Variants in CDH12 observed in about 807,000 individuals in gnomAD.
CDH12 encodes the protein cadherin-12.
CDH12 carries 41 observed loss-of-function variants against 74.1 expected under a neutral mutation model. The observed-to-expected ratio is 0.55, with a 90% CI of 0.43 to 0.72. CDH12 has a LOEUF of 0.72. Ranked by LOEUF, CDH12 falls within the 30% of genes least tolerant of loss-of-function variation. The pLI, the probability that CDH12 is intolerant of heterozygous loss-of-function variation, is 0.00. For synonymous variants in CDH12, 399 were observed against 355.0 expected (o/e 1.12, Z -1.39); for missense variants, 945 against 977.2 (o/e 0.97, Z 0.44).
intron 1 of CDH12, among the ~76,000 whole-genome samples, chr5:22,563,546 G>A (rs1431234899): frequency 6.6e-6 from 1 of 151,994 alleles, no homozygotes; most frequent in Non-Finnish European, 1.5e-5. Flanking sequence ...CACAGAATGG[G>A]ATAGAATATA....
chr5:22,402,953 T>C (rs191066743), intron 3 of CDH12, among the ~76,000 whole-genome samples: 1 of 152,140 alleles, frequency 6.6e-6, no homozygotes, highest in African/African-American at 2.4e-5. Context: ...AAAAGACATG[T>C]GATGGAAAGA....
At chr5:22,202,981 CATA>C (rs911499561) in intron 4 of CDH12, among the ~76,000 whole-genome samples, 20 of 152,128 alleles carry the variant, frequency 1.3e-4, no homozygotes, top group Middle Eastern at 3.4e-3. Context: ...TTAATTGACA[CATA>C]ATAATTGTGC....
chr5:22,015,009 T>G (rs1171250753), intron 5 of CDH12, among the ~76,000 whole-genome samples: 1 of 152,114 alleles, frequency 6.6e-6, no homozygotes, highest in Non-Finnish European at 1.5e-5. Flanking sequence ...TAAAGAATAT[T>G]AAGATATTCT....
chr5:22,815,996 G>C (rs1749377882), intron 1 of CDH12, among the ~76,000 whole-genome samples: 1 of 152,022 alleles, frequency 6.6e-6, no homozygotes, highest in African/African-American at 2.4e-5. Flanking sequence ...AGTACTGTGT[G>C]GCTAGAGCTT....
rs531457643 is a variant in CDH12 at position 22,188,908 on chromosome 5, A to G, written c.-187+23590T>C. Reference sequence around the variant, plus strand: ...TGAAGCTATCCCCATTAAAACATAAACCATAATTGTGGAAAGCAATTTGCT... The same window carrying G: ...TGAAGCTATCCCCATTAAAACATAAGCCATAATTGTGGAAAGCAATTTGCT... On this transcript the variant is annotated intron_variant, in intron 4 of 14. Transcript: ENST00000382254. 4.1e-4 allele frequency among the ~76,000 whole-genome samples: 63 copies of G among 152,296 alleles called. 1 individual carries two copies. The highest frequency in any genetic ancestry group is 1.4e-3 in the African/African-American group (59 of 41,574).
intron 10 of CDH12, 89 bp downstream of exon 10, chr5:21,802,078 G>C: frequency 8.8e-7 from 1 of 1,137,512 alleles, no homozygotes; most frequent in South Asian, 1.5e-5. Flanking sequence ...TCATCATGCA[G>C]TTTTGGACAG....
chr5:22,437,043 C>T (rs1263259701), intron 2 of CDH12, among the ~76,000 whole-genome samples: 1 of 151,838 alleles, frequency 6.6e-6, no homozygotes, highest in African/African-American at 2.4e-5. Context: ...TTATAATTTC[C>T]TAGAAAATAA....
intron 2 of CDH12, among the ~76,000 whole-genome samples, chr5:22,448,713 T>A (rs545583108): frequency 5.3e-5 from 8 of 152,136 alleles, no homozygotes; most frequent in African/African-American, 1.9e-4. Flanking sequence ...AGATTTTAAT[T>A]TTTTTGTAAA....
At chr5:22,114,715 T>G (rs1401281464) in intron 4 of CDH12, among the ~76,000 whole-genome samples, 1 of 152,186 alleles carries the variant, frequency 6.6e-6, no homozygotes, top group Non-Finnish European at 1.5e-5. Flanking sequence ...GGAATCAGTG[T>G]GTACATAAGG....
At chr5:22,011,895 GA>G (rs1301223382) in intron 5 of CDH12, among the ~76,000 whole-genome samples, 1 of 151,874 alleles carries the variant, frequency 6.6e-6, no homozygotes, top group Non-Finnish European at 1.5e-5. Context: ...ACCAAATGAA[GA>G]AAACTAGGGA....
At chr5:22,016,668 G>A (rs904250952) in intron 5 of CDH12, among the ~76,000 whole-genome samples, 2 of 152,072 alleles carry the variant, frequency 1.3e-5, no homozygotes, top group African/African-American at 2.4e-5. Flanking sequence ...TTACAGGTGT[G>A]AGCCACCATG....
intron 4 of CDH12, among the ~76,000 whole-genome samples, chr5:22,106,243 T>C (rs1389597648): frequency 6.6e-6 from 1 of 152,194 alleles, no homozygotes; most frequent in Non-Finnish European, 1.5e-5. Context: ...AGTTTACCTA[T>C]GTAACAAACC....
chr5:22,372,997 T>A (rs1741363287), intron 3 of CDH12, among the ~76,000 whole-genome samples: 1 of 152,090 alleles, frequency 6.6e-6, no homozygotes, highest in South Asian at 2.1e-4. Context: ...TGGAGGCAGA[T>A]CCCTAGGGCA....
intron 1 of CDH12, among the ~76,000 whole-genome samples, chr5:22,719,174 G>A (rs1211476326): frequency 1.3e-5 from 2 of 152,128 alleles, no homozygotes; most frequent in Non-Finnish European, 2.9e-5. Context: ...TTTGGCTTAA[G>A]TCGTTGTGGA....
At chr5:22,623,957 C>T (rs1293174473) in intron 1 of CDH12, among the ~76,000 whole-genome samples, 1 of 152,090 alleles carries the variant, frequency 6.6e-6, no homozygotes, top group Non-Finnish European at 1.5e-5. Flanking sequence ...GTACTGGTAC[C>T]AAAACAGAGA....
At chr5:22,361,317 A>C (rs1305045779) in intron 3 of CDH12, among the ~76,000 whole-genome samples, 2 of 152,102 alleles carry the variant, frequency 1.3e-5, no homozygotes, top group Admixed American at 1.3e-4. Flanking sequence ...TCATGAGTGA[A>C]CTCCCATTCA....
At chr5:22,107,089 T>C (rs1744489792) in intron 4 of CDH12, among the ~76,000 whole-genome samples, 2 of 151,992 alleles carry the variant, frequency 1.3e-5, no homozygotes, top group Admixed American at 1.3e-4. Flanking sequence ...GCCCAAAGGA[T>C]GTCAAAATTA....
At chr5:22,358,365 C>A (rs1256331777) in intron 3 of CDH12, among the ~76,000 whole-genome samples, 3 of 151,892 alleles carry the variant, frequency 2.0e-5, no homozygotes, top group African/African-American at 7.3e-5. Flanking sequence ...TGAAGATCAT[C>A]CCACTGCACT....
At chr5:21,761,204 G>T (rs945689339) in intron 12 of CDH12, among the ~76,000 whole-genome samples, 1 of 152,116 alleles carries the variant, frequency 6.6e-6, no homozygotes, top group African/African-American at 2.4e-5. Context: ...AATACAAATT[G>T]TGTTTTCAAA....
Sources: gnomAD v4.1 joint callset for allele counts (sites outside exome capture counted in the v4.1 genomes callset) on GRCh38, gnomAD v4.1.1 for gene constraint, MANE v1.5 for transcripts, NCBI Gene and HGNC (gene_info 2026-07-23, HGNC 2026-07-21) for gene names.